DOCK11: variants seen among roughly 807,000 people sequenced by gnomAD.
The protein encoded by DOCK11 is dedicator of cytokinesis protein 11.
A neutral mutation model predicts 169.1 loss-of-function variants in DOCK11; 70 were observed. The observed-to-expected ratio is 0.41, with a 90% CI of 0.34 to 0.51. The LOEUF (loss-of-function observed/expected upper bound fraction) is 0.51. Among genes scored for constraint, DOCK11 ranks in the 20% least tolerant of loss-of-function variants. DOCK11 has a pLI of 0.10. For synonymous variants in DOCK11, 529 were observed against 541.3 expected (o/e 0.98, Z 0.32); for missense variants, 1,166 against 1,538.8 (o/e 0.76, Z 4.05).
At chrX:118,506,254 CAAA>C (rs1290955598) in intron 1 of DOCK11, among the ~76,000 whole-genome samples, 1 of 71,374 alleles carries the variant, frequency 1.4e-5, no homozygotes, top group African/African-American at 4.9e-5. Context: ...GACCCTGTCT[CAAA>C]AAAAAAAAAA....
intron 14 of DOCK11, among the ~76,000 whole-genome samples, chrX:118,583,074 T>TAC (rs749625447): frequency 3.6e-5 from 4 of 112,053 alleles, no homozygotes; most frequent in African/African-American, 1.3e-4. Context: ...GTGGCACATA[T>TAC]ACACCATGGA....
In DOCK11 at chrX:118,604,881, G is replaced by A. The variant is rs561129159; in HGVS notation, c.2563-357G>A. On this transcript the variant is annotated intron_variant, in intron 23 of 52. Transcript: ENST00000276202. ...CTGCAGAACATACAGAATGCCTGGG[G>A]GTTAGTAGATGCATCTCCAGTATCA... 8.1e-5 allele frequency among the ~76,000 whole-genome samples: 9 copies of A among 111,229 alleles called. No homozygotes were observed. The South Asian group carries it at 3.4e-3, about 42-fold the overall frequency.
At chrX:118,528,081 G>A (rs2011417988) in intron 1 of DOCK11, among the ~76,000 whole-genome samples, 1 of 112,657 alleles carries the variant, frequency 8.9e-6, no homozygotes, top group South Asian at 3.6e-4. Flanking sequence ...AATTGATTGG[G>A]ACACCATTGT....
Position 118,574,101 on chromosome X carries a change from A to G in DOCK11, c.1389+83A>G, listed in dbSNP as rs181038024. 893 of 950,108 alleles carry G rather than the reference A, an allele frequency of 9.4e-4. 5 individuals carry two copies. In the African/African-American group the frequency reaches 0.015, roughly 16 times the overall value. 78.3% of individuals were successfully genotyped at this position (950,108 alleles called of 1,213,427 possible). On this transcript the variant is annotated intron_variant, in intron 12 of 52. Coordinates refer to ENST00000276202, the MANE Select transcript of DOCK11 (RefSeq NM_144658.4). ...TGTATTATTTCATGGTTTCAGGCCAATGTTTTCATGGCATTCTCTCTCTTG... is the reference window on the plus strand; with the variant it reads ...TGTATTATTTCATGGTTTCAGGCCAGTGTTTTCATGGCATTCTCTCTCTTG...
chrX:118,603,945 A>G (rs1166091542), intron 23 of DOCK11, among the ~76,000 whole-genome samples: 5 of 112,392 alleles, frequency 4.4e-5, no homozygotes, highest in Non-Finnish European at 7.5e-5. Flanking sequence ...TGAAAATGTC[A>G]GTTAGGTCTG....
intron 1 of DOCK11, among the ~76,000 whole-genome samples, chrX:118,504,706 G>A (rs1304255395): frequency 1.8e-5 from 2 of 112,053 alleles, no homozygotes; most frequent in Non-Finnish European, 3.8e-5. Context: ...ATTTTTATCA[G>A]GCATGCAGAG....
At position 118,601,642 on chromosome X, in the gene DOCK11, G is replaced by C. The variant is rs183660538; in HGVS notation, c.2562+2414G>C. Among the ~76,000 whole-genome samples, 148 of 111,725 alleles carry C rather than the reference G, an allele frequency of 1.3e-3. 2 individuals carry two copies. Among genetic ancestry groups the C allele is most frequent in the African/African-American group, 4.5e-3 (138 of 30,769 alleles). ...GAAAAGTTCTCGTATTTGTTTTTCT[G>C]AAGATGTGGAATTTCTGGTATTTAT... On this transcript the variant is annotated intron_variant, in intron 23 of 52. Coordinates refer to ENST00000276202, the MANE Select transcript of DOCK11 (RefSeq NM_144658.4).
chrX:118,614,604 A>G (rs2014763195), intron 28 of DOCK11, 88 bp from the exon 29 acceptor site: 1 of 669,795 alleles, frequency 1.5e-6, no homozygotes, highest in Admixed American at 3.3e-5. Context: ...GTGTGGAACC[A>G]ATTTTGAATT....
chrX:118,625,101 A>G (rs1461675287), intron 32 of DOCK11, among the ~76,000 whole-genome samples: 1 of 108,799 alleles, frequency 9.2e-6, no homozygotes, highest in Non-Finnish European at 1.9e-5. Flanking sequence ...TTTTCCTAAT[A>G]CAGTGCTTTG....
chrX:118,665,637 A>ACTT (rs750464970), intron 45 of DOCK11, among the ~76,000 whole-genome samples: 30 of 112,338 alleles, frequency 2.7e-4, no homozygotes, highest in African/African-American at 9.0e-4. Context: ...ATTTATACAT[A>ACTT]CTTCTATTTG....
rs17326744 is a variant in DOCK11 at position 118,542,946 on chromosome X, A to G, written c.240A>G (p.Gln80=). Residue 80 remains glutamine, a synonymous_variant, in exon 3 of 53, where the codon CAA becomes CAG. Coordinates refer to ENST00000276202, the MANE Select transcript of DOCK11 (RefSeq NM_144658.4). ...EDISISVIGR[Q]RRTVQSTVPE... Reference sequence around the variant, plus strand: ...TCTAGATCTCGGTGATAGGTCGTCAACGCAGAACGGTGCAGTCTACTGTAC... The same window carrying G: ...TCTAGATCTCGGTGATAGGTCGTCAGCGCAGAACGGTGCAGTCTACTGTAC... 0.083 allele frequency: 100,332 copies of G among 1,208,916 alleles called. 3,238 individuals carry two copies. The highest frequency in any genetic ancestry group is 0.093 in the Non-Finnish European group (83,639 of 894,711).
chrX:118,576,198 G>A (rs1238314042), intron 12 of DOCK11, among the ~76,000 whole-genome samples: 2 of 111,843 alleles, frequency 1.8e-5, no homozygotes, highest in Non-Finnish European at 3.8e-5. Flanking sequence ...CCACATCCTG[G>A]GAGCTTTGTA....
chrX:118,660,767 G>A (rs2016195488), intron 44 of DOCK11, among the ~76,000 whole-genome samples: 2 of 110,587 alleles, frequency 1.8e-5, no homozygotes, highest in Admixed American at 1.9e-4. Flanking sequence ...ACCGCGCCTG[G>A]CCCAATGCCT....
At chrX:118,609,621 TC>T (rs1305249717) in intron 27 of DOCK11, among the ~76,000 whole-genome samples, 1 of 112,141 alleles carries the variant, frequency 8.9e-6, no homozygotes, top group Non-Finnish European at 1.9e-5. Context: ...TTTCCTATAA[TC>T]ATTTGCCATG....
chrX:118,540,282 C>G (rs1201415969), intron 1 of DOCK11, among the ~76,000 whole-genome samples: 1 of 110,234 alleles, frequency 9.1e-6, no homozygotes, highest in Non-Finnish European at 1.9e-5. Context: ...TTTTTAGTGC[C>G]TCAAGCTTGC....
At chrX:118,564,943 AT>A (rs1404480354) in intron 7 of DOCK11, among the ~76,000 whole-genome samples, 4 of 105,844 alleles carry the variant, frequency 3.8e-5, no homozygotes, top group East Asian at 3.0e-4. Context: ...TTAATTTTTA[AT>A]TTTTTTTTTG....
At chrX:118,633,125 T>C (rs977393487) in intron 35 of DOCK11, 8 of 111,154 alleles carry the variant, frequency 7.2e-5, no homozygotes, top group African/African-American at 2.6e-4. Context: ...TGTAGATTCA[T>C]TAATATTCTC....
At chrX:118,555,058 T>G (rs1418375095) in intron 6 of DOCK11, among the ~76,000 whole-genome samples, 3 of 111,903 alleles carry the variant, frequency 2.7e-5, no homozygotes, top group Non-Finnish European at 5.6e-5. Flanking sequence ...AGTCATTGAT[T>G]ATTTGAGCAG....
intron 1 of DOCK11, among the ~76,000 whole-genome samples, chrX:118,514,693 A>G (rs761508600): frequency 8.9e-6 from 1 of 111,794 alleles, no homozygotes; most frequent in Non-Finnish European, 1.9e-5. Context: ...ACACATTTCT[A>G]TAGTTTCTCA....
Sources: gnomAD v4.1 joint callset for allele counts (sites outside exome capture counted in the v4.1 genomes callset) on GRCh38, gnomAD v4.1.1 for gene constraint, MANE v1.5 for transcripts, NCBI Gene and HGNC (gene_info 2026-07-23, HGNC 2026-07-21) for gene names.